MAP3K19: variants seen among roughly 807,000 people sequenced by gnomAD.
The protein encoded by MAP3K19 is SPS1/STE20-related protein kinase YSK4.
Under a neutral mutation model 114.4 loss-of-function variants are expected in MAP3K19, and 91 were observed. The ratio of observed to expected loss-of-function variants is 0.80; its 90% CI spans 0.67 to 0.95. MAP3K19 has a LOEUF of 0.95. Ranked by LOEUF, MAP3K19 falls within the 40% of genes least tolerant of loss-of-function variation. The pLI, the probability that MAP3K19 is intolerant of heterozygous loss-of-function variation, is 0.00. For synonymous variants in MAP3K19, 518 were observed against 530.5 expected (o/e 0.98, Z 0.32); for missense variants, 1,471 against 1,573.2 (o/e 0.94, Z 1.10).
intron 9 of MAP3K19, among the ~76,000 whole-genome samples, chr2:134,990,607 G>C (rs1017531854): frequency 1.3e-5 from 2 of 151,980 alleles, no homozygotes; most frequent in Non-Finnish European, 2.9e-5. Flanking sequence ...CTCCCGAGTA[G>C]CTGGGACTAC....
At chr2:135,044,459 G>A (rs1377562553) in intron 1 of MAP3K19, among the ~76,000 whole-genome samples, 1 of 152,152 alleles carries the variant, frequency 6.6e-6, no homozygotes, top group African/African-American at 2.4e-5. Flanking sequence ...GCATGGTGGT[G>A]CATGCCTGTA....
rs113569095 is a variant in MAP3K19 at position 134,998,874 on chromosome 2, C to T, written c.438G>A (p.Glu146=). 1,465 of 1,614,154 alleles carry T rather than the reference C, an allele frequency of 9.1e-4. 15 individuals carry two copies. In the African/African-American group the frequency reaches 0.017, roughly 18 times the overall value. Residue 146 remains glutamate, a synonymous_variant, in exon 8 of 13, where the codon GAG becomes GAA. Transcript: ENST00000392915. ...CATTGCAGAGCTCCCTGGAACTTTCCTCTTTTTGCAAAACTAAGGGCCGCA... is the reference window on the plus strand; with the variant it reads ...CATTGCAGAGCTCCCTGGAACTTTCTTCTTTTTGCAAAACTAAGGGCCGCA... The part of the protein sequence containing the change: ...LTMRPLVLQK[E]ESSRELCNVN...
chr2:134,967,978 C>G (rs1365443296), intron 12 of MAP3K19, among the ~76,000 whole-genome samples: 1 of 151,778 alleles, frequency 6.6e-6, no homozygotes, highest in Non-Finnish European at 1.5e-5. Context: ...ACAAAGGTCT[C>G]TGGTTTTCCT....
intron 6 of MAP3K19, among the ~76,000 whole-genome samples, chr2:135,001,494 T>C (rs1686442340): frequency 6.6e-6 from 1 of 152,226 alleles, no homozygotes; most frequent in Non-Finnish European, 1.5e-5. Context: ...AAGAAACTGA[T>C]AGCAATGAGT....
intron 2 of MAP3K19, among the ~76,000 whole-genome samples, chr2:135,036,139 AT>A (rs201528587): frequency 1.3e-4 from 19 of 150,452 alleles, no homozygotes; most frequent in East Asian, 5.8e-4. Flanking sequence ...CCTGGCCAAG[AT>A]TTTTTTTTTC....
intron 3 of MAP3K19, among the ~76,000 whole-genome samples, chr2:135,029,292 C>T (rs1558742909): frequency 1.3e-5 from 2 of 152,136 alleles, no homozygotes; most frequent in Admixed American, 1.3e-4. Flanking sequence ...GGGAGAATGG[C>T]GTGAACCCGG....
At chr2:134,989,517 T>C (rs948320196) in intron 9 of MAP3K19, among the ~76,000 whole-genome samples, 2 of 152,188 alleles carry the variant, frequency 1.3e-5, no homozygotes, top group Non-Finnish European at 2.9e-5. Context: ...ACTTAGGACA[T>C]AAAGGCAGAT....
At chr2:134,973,661 GT>G (rs1559137058) in intron 12 of MAP3K19, among the ~76,000 whole-genome samples, 4 of 151,974 alleles carry the variant, frequency 2.6e-5, no homozygotes, top group Admixed American at 1.3e-4. Flanking sequence ...TTGTTTGTTT[GT>G]TTGTTTCTTT....
rs76433902 is a variant in MAP3K19 at position 135,022,419 on chromosome 2, A to C, written c.23-589T>G. On this transcript the variant is annotated intron_variant, in intron 4 of 12. Transcript: ENST00000392915. Reference sequence around the variant, plus strand: ...CCATGTTTCCTGAGGATGACCCATCATTACAGACTTCTACTGGTGGAAGAT... The same window carrying C: ...CCATGTTTCCTGAGGATGACCCATCCTTACAGACTTCTACTGGTGGAAGAT... Among the ~76,000 whole-genome samples the C allele has an allele frequency of 9.8e-3, 1,488 of 152,260 alleles. 24 individuals are homozygous for C. Among genetic ancestry groups the C allele is most frequent in the African/African-American group, 0.034 (1,419 of 41,544 alleles).
In MAP3K19 at chr2:134,988,543, A is replaced by G. The variant is rs2105243025; in HGVS notation, c.619-290T>C. Among the ~76,000 whole-genome samples, 2 of 152,224 alleles carry G rather than the reference A, an allele frequency of 1.3e-5. 1 individual carries two copies. Among genetic ancestry groups the G allele is most frequent in the South Asian group, 4.1e-4 (2 of 4,822 alleles). The stretch of plus-strand genomic sequence containing the variant: ...GTAGCTGGGACTGCAGGCATGTGCC[A>G]CTATGCTCGGCTAATGTTTAAATTT... On this transcript the variant is annotated intron_variant, in intron 9 of 12. Coordinates refer to ENST00000392915, the MANE Select transcript of MAP3K19 (RefSeq NM_025052.5).
chr2:134,968,492 A>AC lies in MAP3K19; in HGVS notation c.3921-3577dup, dbSNP rs541451938. ...GGGTGGCTGGCCGGGCGGGGGGCTG[A>AC]CCCCCCACCTCCCTCCCGGACGGGG... On this transcript the variant is annotated intron_variant, in intron 12 of 12. Transcript: ENST00000392915. Among the ~76,000 whole-genome samples, 625 of 123,184 alleles carry AC rather than the reference A, an allele frequency of 5.1e-3. 1 individual carries two copies. Among genetic ancestry groups the AC allele is most frequent in the Middle Eastern group, 0.019 (4 of 212 alleles). 80.8% of individuals were successfully genotyped at this position (123,184 alleles called of 152,430 possible).
At chr2:134,998,329 A>G (rs75004950) in intron 8 of MAP3K19, among the ~76,000 whole-genome samples, 5,585 of 152,306 alleles carry the variant, frequency 0.037, 181 homozygotes, top group South Asian at 0.09. Context: ...TCAAACACTC[A>G]AGAAAAAAGT....
In MAP3K19 at chr2:134,980,987, T is replaced by C. The variant is rs966928917; in HGVS notation, c.3754A>G (p.Ser1252Gly). The C allele has an allele frequency of 6.2e-7, 1 of 1,614,062 alleles. No homozygotes were observed. Among genetic ancestry groups the C allele is most frequent in the Non-Finnish European group, 8.5e-7 (1 of 1,180,020 alleles). Residue 1252 changes from serine to glycine, a missense_variant, in exon 12 of 13, where the codon AGC (serine) becomes GGC (glycine). Physicochemically the swap from Ser to Gly is moderately conservative, Grantham distance 56. Transcript: ENST00000392915. ...ATCTCAAACACAGTACAACCAATGC[T>C]CCAGATATCTGATTTCCGTCCATAG... ...SGYGRKSDIWSIGCTVFEMAT... is the reference protein window; with the variant it reads ...SGYGRKSDIWGIGCTVFEMAT...
intron 9 of MAP3K19, among the ~76,000 whole-genome samples, chr2:134,990,056 C>T (rs1685449534): frequency 6.6e-6 from 1 of 151,474 alleles, no homozygotes; most frequent in Non-Finnish European, 1.5e-5. Context: ...GCACTCCAGC[C>T]TGGGCAACAG....
intron 2 of MAP3K19, among the ~76,000 whole-genome samples, chr2:135,038,945 G>A (rs1688590093): frequency 6.6e-6 from 1 of 151,862 alleles, no homozygotes; most frequent in Admixed American, 6.6e-5. Flanking sequence ...TAATTACTTA[G>A]GCATGGATGC....
chr2:134,991,077 G>A (rs544443110), intron 9 of MAP3K19, among the ~76,000 whole-genome samples: 3 of 151,836 alleles, frequency 2.0e-5, no homozygotes, highest in South Asian at 2.1e-4. Context: ...CGAGGCGGGC[G>A]GATCACGAGG....
At chr2:134,977,979 G>A (rs1684367432) in intron 12 of MAP3K19, among the ~76,000 whole-genome samples, 1 of 152,042 alleles carries the variant, frequency 6.6e-6, no homozygotes, top group African/African-American at 2.4e-5. Context: ...CCTCCTACCT[G>A]AAACTACCTC....
At chr2:135,034,278 C>A (rs1344799148) in intron 2 of MAP3K19, among the ~76,000 whole-genome samples, 1 of 130,812 alleles carries the variant, frequency 7.6e-6, no homozygotes, top group Non-Finnish European at 1.5e-5. Flanking sequence ...CCCCTCACTT[C>A]CCAGACGGGA....
chr2:134,983,414 G>A (rs1684849624), intron 11 of MAP3K19: 2 of 605,190 alleles, frequency 3.3e-6, no homozygotes, highest in East Asian at 3.3e-5. Flanking sequence ...GAGAGAGAGA[G>A]ACCAGATCCT....
Sources: gnomAD v4.1 joint callset for allele counts (sites outside exome capture counted in the v4.1 genomes callset) on GRCh38, gnomAD v4.1.1 for gene constraint, MANE v1.5 for transcripts, NCBI Gene and HGNC (gene_info 2026-07-23, HGNC 2026-07-21) for gene names.